Variants in KHDRBS3 observed in about 807,000 individuals in gnomAD.
The protein encoded by KHDRBS3 is KH domain-containing, RNA-binding, signal transduction-associated protein 3.
KHDRBS3 carries 23 observed loss-of-function variants against 45.6 expected under a neutral mutation model. The observed-to-expected ratio is 0.50, with a 90% CI of 0.36 to 0.72. The LOEUF is 0.72. Ranked by LOEUF, KHDRBS3 falls within the 30% of genes least tolerant of loss-of-function variation. KHDRBS3 has a pLI of 0.00. For missense variants in KHDRBS3, 352 were observed against 424.8 expected, an observed-to-expected ratio of 0.83 and a Z score of 1.51; for synonymous variants, 162 against 156.5, an observed-to-expected ratio of 1.04 and a Z score of -0.26.
At chr8:135,484,365 G>T (rs917674427) in intron 1 of KHDRBS3, among the ~76,000 whole-genome samples, 1 of 152,204 alleles carries the variant, frequency 6.6e-6, no homozygotes, top group Admixed American at 6.5e-5. Flanking sequence ...CCTGGAAAAT[G>T]AAGAATGGAA....
intron 7 of KHDRBS3, among the ~76,000 whole-genome samples, chr8:135,635,353 A>G (rs1011498728): frequency 6.6e-5 from 10 of 152,158 alleles, no homozygotes; most frequent in Non-Finnish European, 1.2e-4. Context: ...ATACGACATC[A>G]AAACTTGGCA....
chr8:135,542,622 A>C (rs117850131), intron 2 of KHDRBS3, 32 bp from the exon 3 acceptor site: 16,768 of 1,378,748 alleles, frequency 0.012, 151 homozygotes, highest in Non-Finnish European at 0.015. Context: ...TCACATATAA[A>C]TGCTACAAAT....
intron 4 of KHDRBS3, chr8:135,656,106 CTTA>C (rs1443986580): frequency 6.6e-6 from 1 of 152,132 alleles, no homozygotes; most frequent in Admixed American, 6.5e-5. Context: ...CATAAACGTC[CTTA>C]TTTCTATTAA....
intron 1 of KHDRBS3, among the ~76,000 whole-genome samples, chr8:135,506,832 GT>G (rs201484284): frequency 3.8e-4 from 57 of 150,046 alleles, no homozygotes; most frequent in African/African-American, 1.3e-3. Context: ...TTGTACCATT[GT>G]TTTTTTTTAC....
chr8:135,478,871 A>G (rs1822428131), intron 1 of KHDRBS3, among the ~76,000 whole-genome samples: 1 of 152,244 alleles, frequency 6.6e-6, no homozygotes, highest in African/African-American at 2.4e-5. Context: ...GTAAATCTCA[A>G]ATAAGTTACC....
chr8:135,489,627 G>A (rs1403707231), intron 1 of KHDRBS3, among the ~76,000 whole-genome samples: 2 of 152,062 alleles, frequency 1.3e-5, no homozygotes, highest in Non-Finnish European at 1.5e-5. Flanking sequence ...GCAGTGACCC[G>A]AGATTGCGCC....
At chr8:135,626,443 A>G (rs1233141637) in intron 7 of KHDRBS3, among the ~76,000 whole-genome samples, 1 of 152,194 alleles carries the variant, frequency 6.6e-6, no homozygotes, top group East Asian at 1.9e-4. Context: ...GTCCTCTGTG[A>G]GCTGCACGCC....
chr8:135,570,886 T>A (rs1040523844), intron 5 of KHDRBS3, among the ~76,000 whole-genome samples: 1 of 152,200 alleles, frequency 6.6e-6, no homozygotes, highest in African/African-American at 2.4e-5. Context: ...TTAAAGCACT[T>A]TCTGATGGTG....
At chr8:135,472,039 C>T (rs1822044113) in intron 1 of KHDRBS3, among the ~76,000 whole-genome samples, 1 of 152,166 alleles carries the variant, frequency 6.6e-6, no homozygotes, top group Non-Finnish European at 1.5e-5. Flanking sequence ...GCCAGTTGGT[C>T]TCAGCTTCCT....
intron 2 of KHDRBS3, among the ~76,000 whole-genome samples, chr8:135,536,164 T>C (rs979732145): frequency 6.0e-5 from 9 of 151,194 alleles, no homozygotes; most frequent in African/African-American, 2.2e-4. Flanking sequence ...TGTAGATTCC[T>C]GGACAGAGAT....
At chr8:135,476,419 G>A (rs549189606) in intron 1 of KHDRBS3, among the ~76,000 whole-genome samples, 1 of 152,248 alleles carries the variant, frequency 6.6e-6, no homozygotes, top group East Asian at 1.9e-4. Flanking sequence ...TGGGATTACA[G>A]GCATGAACCA....
intron 1 of KHDRBS3, among the ~76,000 whole-genome samples, chr8:135,478,781 A>G (rs1822422372): frequency 1.3e-5 from 2 of 152,216 alleles, no homozygotes; most frequent in African/African-American, 4.8e-5. Context: ...ACATAGATGA[A>G]AATGAAGACA....
At chr8:135,503,098 A>G (rs766980114) in intron 1 of KHDRBS3, among the ~76,000 whole-genome samples, 12 of 152,324 alleles carry the variant, frequency 7.9e-5, no homozygotes, top group Non-Finnish European at 1.8e-4. Context: ...TTTGATTGCC[A>G]TCAAGGTCAT....
At chr8:135,620,155 C>T (rs1252324602) in intron 7 of KHDRBS3, among the ~76,000 whole-genome samples, 1 of 151,778 alleles carries the variant, frequency 6.6e-6, no homozygotes, top group African/African-American at 2.4e-5. Flanking sequence ...TCACTGCAAC[C>T]TCCGCCTCCT....
chr8:135,518,040 A>ATGAT (rs1281838868), intron 1 of KHDRBS3, among the ~76,000 whole-genome samples: 1 of 152,218 alleles, frequency 6.6e-6, no homozygotes, highest in African/African-American at 2.4e-5. Context: ...GCTTACCTAT[A>ATGAT]TGATTTTCTT....
At chr8:135,511,170 A>C (rs1824264600) in intron 1 of KHDRBS3, among the ~76,000 whole-genome samples, 1 of 152,200 alleles carries the variant, frequency 6.6e-6, no homozygotes, top group African/African-American at 2.4e-5. Flanking sequence ...TTGGGGCTGG[A>C]ATCCTGAATC....
At chr8:135,621,890 AT>A (rs889259823) in intron 7 of KHDRBS3, among the ~76,000 whole-genome samples, 61 of 149,394 alleles carry the variant, frequency 4.1e-4, no homozygotes, top group Admixed American at 7.3e-4. Context: ...AGTTCCACAG[AT>A]TTTTTTTTTG....
In KHDRBS3 at chr8:135,527,023, A is replaced by T. The variant is rs576952941; in HGVS notation, c.207+5668A>T. Among the ~76,000 whole-genome samples, 138 of 152,172 alleles carry T rather than the reference A, an allele frequency of 9.1e-4. 2 individuals are homozygous for T. In the Middle Eastern group the frequency reaches 0.014, roughly 15 times the overall value. The stretch of plus-strand genomic sequence containing the variant: ...AATATAAACCCCAAATCAACATTGG[A>T]ACAAGGTACCCTGTCTTTGAGGACC... On this transcript the variant is annotated intron_variant, in intron 2 of 8. Transcript: ENST00000355849.
intron 7 of KHDRBS3, among the ~76,000 whole-genome samples, chr8:135,632,749 G>C (rs901153389): frequency 6.6e-6 from 1 of 152,038 alleles, no homozygotes; most frequent in Non-Finnish European, 1.5e-5. Context: ...CCTCTCAGTG[G>C]CCTGCATGAC....
Sources: allele counts gnomAD v4.1 joint callset (sites outside exome capture counted in the v4.1 genomes callset), GRCh38; gene constraint gnomAD v4.1.1; transcripts MANE v1.5; gene names NCBI Gene and HGNC (gene_info 2026-07-23, HGNC 2026-07-21).